The following CORIN variants were observed in gnomAD, a reference collection of about 807,000 sequenced individuals.
The protein encoded by CORIN is corin, serine peptidase, also known as atrial natriuretic peptide-converting enzyme.
A neutral mutation model predicts 125.3 loss-of-function variants in CORIN; 117 were observed. The ratio of observed to expected loss-of-function variants is 0.93; its 90% CI spans 0.80 to 1.09. CORIN has a LOEUF of 1.09. Ranked by LOEUF, CORIN falls within the 50% of genes least tolerant of loss-of-function variation. The pLI, the probability that CORIN is intolerant of heterozygous loss-of-function variation, is 0.00. For synonymous variants in CORIN, 450 were observed against 466.4 expected, an observed-to-expected ratio of 0.96 and a Z score of 0.45; for missense variants, 1,253 against 1,306.7, an observed-to-expected ratio of 0.96 and a Z score of 0.63.
At chr4:47,669,206 C>T (rs148172887) in intron 10 of CORIN, among the ~76,000 whole-genome samples, 39 of 152,054 alleles carry the variant, frequency 2.6e-4, no homozygotes, top group South Asian at 6.2e-4. Flanking sequence ...AAGTCTGTAA[C>T]AAGATTCGTT....
intron 5 of CORIN, among the ~76,000 whole-genome samples, chr4:47,723,369 GC>G (rs1282610558): frequency 6.6e-6 from 1 of 152,130 alleles, no homozygotes; most frequent in East Asian, 1.9e-4. Flanking sequence ...AGGTCTCCAT[GC>G]ATGAAAATGA....
intron 5 of CORIN, among the ~76,000 whole-genome samples, chr4:47,739,862 C>G (rs1315952529): frequency 1.3e-5 from 2 of 150,986 alleles, no homozygotes; most frequent in Non-Finnish European, 3.0e-5. Context: ...GGTTAGGATT[C>G]ATCTGAACTA....
At chr4:47,741,976 T>C (rs1437136067) in intron 5 of CORIN, among the ~76,000 whole-genome samples, 1 of 151,968 alleles carries the variant, frequency 6.6e-6, no homozygotes, top group Non-Finnish European at 1.5e-5. Flanking sequence ...GAAATTATTA[T>C]AGATGATTAT....
chr4:47,812,008 T>C (rs1262246348), intron 1 of CORIN, among the ~76,000 whole-genome samples: 3 of 152,214 alleles, frequency 2.0e-5, no homozygotes, highest in Non-Finnish European at 4.4e-5. Context: ...CATGTTTAAT[T>C]TGATAATCAA....
intron 13 of CORIN, among the ~76,000 whole-genome samples, chr4:47,646,177 T>C (rs1723476062): frequency 6.6e-6 from 1 of 152,148 alleles, no homozygotes; most frequent in African/African-American, 2.4e-5. Flanking sequence ...GACTTATCTA[T>C]AAAATAATGT....
rs61758478 is a variant in CORIN at position 47,825,264 on chromosome 4, C to T, written c.63+12623G>A. On this transcript the variant is annotated intron_variant, in intron 1 of 21. Transcript: ENST00000273857. ...ATGGAAAGCCAGCCTCAGAGTCTTT[C>T]CTGGCAATTATGTGGCCCCCTCCCC... 8.1e-3 allele frequency among the ~76,000 whole-genome samples: 1,239 copies of T among 152,280 alleles called. 7 individuals carry two copies. Among genetic ancestry groups the T allele is most frequent in the Non-Finnish European group, 0.012 (810 of 68,028 alleles).
intron 1 of CORIN, among the ~76,000 whole-genome samples, chr4:47,822,986 C>A (rs975352086): frequency 1.3e-5 from 2 of 151,958 alleles, no homozygotes; most frequent in Non-Finnish European, 2.9e-5. Context: ...CGGCTAATTT[C>A]TGTATTTTTA....
chr4:47,627,027 AG>A (rs1271950324), intron 16 of CORIN, among the ~76,000 whole-genome samples: 2 of 151,820 alleles, frequency 1.3e-5, no homozygotes, highest in African/African-American at 2.4e-5. Context: ...TCTGTTGCCC[AG>A]GCTGGGGTAC....
intron 10 of CORIN, among the ~76,000 whole-genome samples, chr4:47,666,610 G>A (rs1724495438): frequency 6.6e-6 from 1 of 152,128 alleles, no homozygotes; most frequent in South Asian, 2.1e-4. Context: ...GCCTTTGGGA[G>A]GTGATGAGGT....
intron 16 of CORIN, among the ~76,000 whole-genome samples, chr4:47,628,418 A>G (rs1722671262): frequency 6.6e-6 from 1 of 150,406 alleles, no homozygotes; most frequent in African/African-American, 2.5e-5. Flanking sequence ...TAAGAAGCAT[A>G]TCTATCACCA....
intron 3 of CORIN, among the ~76,000 whole-genome samples, chr4:47,773,307 A>C (rs184084888): frequency 6.6e-6 from 1 of 152,296 alleles, no homozygotes; most frequent in African/African-American, 2.4e-5. Context: ...CTACCTCACT[A>C]GTAGTTTGTT....
chr4:47,632,250 C>T, intron 16 of CORIN: 1 of 152,332 alleles, frequency 6.6e-6, no homozygotes, highest in Middle Eastern at 3.4e-3. Flanking sequence ...TTGTCCTCTT[C>T]CATCTATTGA....
chr4:47,633,885 A>G (rs1267356325), intron 16 of CORIN, among the ~76,000 whole-genome samples: 1 of 152,188 alleles, frequency 6.6e-6, no homozygotes, highest in Non-Finnish European at 1.5e-5. Flanking sequence ...CTTGAGTATA[A>G]CAGGAATATA....
chr4:47,679,939 G>A (rs1385742791), intron 8 of CORIN: 1 of 415,474 alleles, frequency 2.4e-6, no homozygotes, highest in African/African-American at 2.1e-5. Flanking sequence ...TTTGCAGGGA[G>A]AGGTGTGGAA....
At chr4:47,604,530 A>T (rs1029317384) in intron 19 of CORIN, among the ~76,000 whole-genome samples, 3 of 152,204 alleles carry the variant, frequency 2.0e-5, no homozygotes, top group African/African-American at 7.2e-5. Context: ...AGGGCTTACC[A>T]TGTATGCCAC....
At chr4:47,613,226 G>A (rs532056855) in intron 19 of CORIN, among the ~76,000 whole-genome samples, 23 of 152,182 alleles carry the variant, frequency 1.5e-4, no homozygotes, top group East Asian at 7.7e-4. Flanking sequence ...AGGCTAAAGC[G>A]GGCAGATCAC....
intron 2 of CORIN, among the ~76,000 whole-genome samples, chr4:47,795,439 G>C (rs1282646878): frequency 6.6e-6 from 1 of 151,972 alleles, no homozygotes; most frequent in Non-Finnish European, 1.5e-5. Context: ...TCATTTATTT[G>C]TGTCTGATTT....
chr4:47,609,247 TA>T (rs1451319584), intron 19 of CORIN, among the ~76,000 whole-genome samples: 1 of 152,158 alleles, frequency 6.6e-6, no homozygotes, highest in African/African-American at 2.4e-5. Context: ...ATTATTTATT[TA>T]TTTTTTTTGA....
Position 47,645,191 on chromosome 4 carries a change from C to A in CORIN, c.1847G>T (p.Cys616Phe). ...ACATTCCCAAAGATCTCTCTCTTTA[C>A]AACCTAGAGACAGAAGAAAAGGTTA... is the stretch of plus-strand genomic sequence containing the variant. ...DDDSDEENCGCKERDLWECPS... is the reference protein window; with the variant it reads ...DDDSDEENCGFKERDLWECPS... Residue 616 changes from cysteine (C) to phenylalanine (F), a missense_variant, in exon 14 of 22, where the codon TGT becomes TTT. Transcript: ENST00000273857. 6.4e-7 allele frequency: 1 copy of A among 1,554,796 alleles called. No individual in the cohort carries two copies. The highest frequency in any genetic ancestry group is 8.9e-7 in the Non-Finnish European group (1 of 1,129,142).
Sources: allele counts gnomAD v4.1 joint callset (sites outside exome capture counted in the v4.1 genomes callset), GRCh38; gene constraint gnomAD v4.1.1; transcripts MANE v1.5; gene names NCBI Gene and HGNC (gene_info 2026-07-23, HGNC 2026-07-21).